Variants in NCOR2 observed in about 807,000 individuals in gnomAD.
NCOR2 encodes the protein nuclear receptor corepressor 2.
A neutral mutation model predicts 262.9 loss-of-function variants in NCOR2; 81 were observed. The ratio of observed to expected loss-of-function variants is 0.31; its 90% CI spans 0.26 to 0.37. NCOR2 has a LOEUF of 0.37. Ranked by LOEUF, NCOR2 falls within the 10% of genes least tolerant of loss-of-function variation. The probability of loss-of-function intolerance (pLI) is 1.00; values close to 1 mark genes in which losing one functional copy is unlikely to be tolerated. For missense variants in NCOR2, 3,385 were observed against 3,621.4 expected (o/e 0.93, Z 1.68); for synonymous variants, 1,659 against 1,559.3 (o/e 1.06, Z -1.51).
intron 44 of NCOR2, 94 bp from the exon 47 acceptor site, chr12:124,327,727 G>C: frequency 1.2e-6 from 1 of 852,130 alleles, no homozygotes. Context: ...GAGAGAGAGG[G>C]AAGGAGGAGG....
exon 42 of NCOR2, chr12:124,333,279 C>T: frequency 6.3e-7 from 1 of 1,599,660 alleles, no homozygotes; most frequent in Non-Finnish European, 8.5e-7. Context: ...GCTCTGGAGA[C>T]CTGGATGGAG....
rs1470336422 is a variant in NCOR2, at chr12:124,549,854, CAG to C, written c.-164-14245_-164-14244del. ...CACTGGGAAGGCAGGGGTGGATGGGCAGAGTGTCACGCCTGCCTAGGGGAAGT... is the reference window on the plus strand; with the variant it reads ...CACTGGGAAGGCAGGGGTGGATGGGCAGTGTCACGCCTGCCTAGGGGAAGT... On this transcript the variant is annotated intron_variant, in intron 1 of 32. Transcript: ENST00000458234. The surrounding 1 kb of genome is among the most constrained non-coding windows in gnomAD (Gnocchi z 4.4). Among the ~76,000 whole-genome samples the C allele has an allele frequency of 2.0e-5, 3 of 152,220 alleles. No homozygotes were observed. Among genetic ancestry groups the C allele is most frequent in the East Asian group, 1.9e-4 (1 of 5,164 alleles).
chr12:124,348,793 G>A (rs1424614362), intron 28 of NCOR2: 3 of 172,484 alleles, frequency 1.7e-5, no homozygotes, highest in Non-Finnish European at 2.5e-5. Flanking sequence ...GCAGCAGCAC[G>A]CGTGCACCGA....
At chr12:124,485,045 A>T (rs1565986413) in intron 2 of NCOR2, among the ~76,000 whole-genome samples, 1 of 152,172 alleles carries the variant, frequency 6.6e-6, no homozygotes, top group Non-Finnish European at 1.5e-5. Flanking sequence ...GCCCCAAGAC[A>T]TCCCCCTCTT....
chr12:124,429,792 G>C, intron 9 of NCOR2, 86 bp from the exon 12 acceptor site: 1 of 1,276,224 alleles, frequency 7.8e-7, no homozygotes, highest in Admixed American at 2.0e-5. Flanking sequence ...CTGAGCCCAC[G>C]CCCTCCCCAG....
chr12:124,496,564 C>T (rs2048393199), upstream of NCOR2, among the ~76,000 whole-genome samples: 1 of 152,098 alleles, frequency 6.6e-6, no homozygotes, highest in Non-Finnish European at 1.5e-5. This position sits in a 1 kb window ranked among gnomAD's most constrained non-coding sequence, Gnocchi z 4.4. Context: ...CCTGCAATTT[C>T]ATCAGAACAC....
At chr12:124,338,489 C>G (rs1427971922) in intron 37 of NCOR2, among the ~76,000 whole-genome samples, 1 of 135,414 alleles carries the variant, frequency 7.4e-6, no homozygotes, top group Non-Finnish European at 1.5e-5. Context: ...GCCTGGGCGA[C>G]AGAGTACAAC....
At chr12:124,329,889 CTTG>C (rs1273975966) in intron 44 of NCOR2, among the ~76,000 whole-genome samples, 3 of 152,206 alleles carry the variant, frequency 2.0e-5, no homozygotes, top group African/African-American at 4.8e-5. Flanking sequence ...TTCTAACCCT[CTTG>C]TTGTTTCGAC....
chr12:124,350,076 G>A (rs895033480), intron 28 of NCOR2, among the ~76,000 whole-genome samples: 1 of 151,974 alleles, frequency 6.6e-6, no homozygotes, highest in Non-Finnish European at 1.5e-5. Flanking sequence ...CACACCCCTG[G>A]GTGCCCTAGG....
At chr12:124,352,430 G>A (rs2037569046) in intron 27 of NCOR2, among the ~76,000 whole-genome samples, 1 of 133,384 alleles carries the variant, frequency 7.5e-6, no homozygotes, top group Non-Finnish European at 1.6e-5. Context: ...CTGGAGTGCA[G>A]AACACTGTCA....
At position 124,548,798 on chromosome 12, in the gene NCOR2, G is replaced by A. The variant is rs1374498258; in HGVS notation, c.-164-13187C>T. Among the ~76,000 whole-genome samples, 1 of 151,734 alleles carries A rather than the reference G, an allele frequency of 6.6e-6. No homozygotes were observed. The highest frequency in any genetic ancestry group is 1.5e-5 in the Non-Finnish European group (1 of 67,964). On this transcript the variant is annotated intron_variant, in intron 1 of 32. Coordinates refer to the NCOR2 transcript ENST00000458234. This position sits in a 1 kb window ranked among gnomAD's most constrained non-coding sequence, Gnocchi z 5.1. Reference sequence around the variant, plus strand: ...TCCCTACACAGTTTTCAAATGACCTGGCCATTCAAAAAAACCTGCCAGAAC... The same window carrying A: ...TCCCTACACAGTTTTCAAATGACCTAGCCATTCAAAAAAACCTGCCAGAAC...
At chr12:124,350,833 C>T in intron 27 of NCOR2, 96 bp from the exon 30 acceptor site, 2 of 1,298,552 alleles carry the variant, frequency 1.5e-6, no homozygotes, top group Non-Finnish European at 2.1e-6. Context: ...CCCATGTGCC[C>T]ACCGATGCAC....
chr12:124,543,510 C>T (rs2051443613), intron 1 of NCOR2, among the ~76,000 whole-genome samples: 1 of 152,244 alleles, frequency 6.6e-6, no homozygotes, highest in Non-Finnish European at 1.5e-5. Flanking sequence ...GAGCATCTGA[C>T]CCTCTGCCCT....
chr12:124,331,317 C>T (rs565483068), intron 43 of NCOR2, among the ~76,000 whole-genome samples: 3 of 152,304 alleles, frequency 2.0e-5, no homozygotes, highest in Admixed American at 1.3e-4. Context: ...CCCGCCTTGA[C>T]CTCCCAAAGT....
intron 17 of NCOR2, among the ~76,000 whole-genome samples, chr12:124,383,056 C>G (rs1407349758): frequency 1.4e-5 from 2 of 145,902 alleles, no homozygotes; most frequent in African/African-American, 5.1e-5. Flanking sequence ...ATGAATGAAT[C>G]AATCAATCGT....
At chr12:124,498,486 T>C (rs2048496049), upstream of NCOR2, among the ~76,000 whole-genome samples, 1 of 151,778 alleles carries the variant, frequency 6.6e-6, no homozygotes, top group Admixed American at 6.6e-5. Flanking sequence ...AGGGAACAAC[T>C]CCAGTAACCT....
intron 1 of NCOR2, among the ~76,000 whole-genome samples, chr12:124,522,903 A>G (rs2050264129): frequency 6.6e-6 from 1 of 152,224 alleles, no homozygotes; most frequent in South Asian, 2.1e-4. Flanking sequence ...ACTGGCCCCA[A>G]GGAACCCAAA....
rs1348347269 is a variant in NCOR2, at chr12:124,503,185, A to G, written c.-117-7817T>C. On this transcript the variant is annotated intron_variant, in intron 1 of 46. Coordinates refer to the NCOR2 transcript ENST00000404621. This position sits in a 1 kb window ranked among gnomAD's most constrained non-coding sequence, Gnocchi z 4.3. ...TCATCAATTAGAGAATTATTTCAGCATCTGTTATGTGCAAACACTGTACAA... is the reference window on the plus strand; with the variant it reads ...TCATCAATTAGAGAATTATTTCAGCGTCTGTTATGTGCAAACACTGTACAA... 8.5e-5 allele frequency among the ~76,000 whole-genome samples: 13 copies of G among 152,258 alleles called. No individual in the cohort carries two copies. Among genetic ancestry groups the G allele is most frequent in the Non-Finnish European group, 1.8e-4 (12 of 68,044 alleles).
exon 2 of NCOR2, chr12:124,486,516 A>T: frequency 6.2e-7 from 1 of 1,606,194 alleles, no homozygotes; most frequent in African/African-American, 1.3e-5. Flanking sequence ...GCCGGGCGAC[A>T]GGTGGGAGGC....
Sources: allele counts gnomAD v4.1 joint callset (sites outside exome capture counted in the v4.1 genomes callset), GRCh38; gene constraint gnomAD v4.1.1; non-coding constraint Gnocchi (gnomAD v3.1); transcripts MANE v1.5; gene names NCBI Gene and HGNC (gene_info 2026-07-23, HGNC 2026-07-21).